The following PRKCE variants were observed in gnomAD, a reference collection of about 807,000 sequenced individuals.
PRKCE encodes protein kinase C epsilon.
Under a neutral mutation model 85.4 loss-of-function variants are expected in PRKCE, and 16 were observed. That is an observed-to-expected ratio of 0.19 (90% CI 0.13 to 0.28). The LOEUF (loss-of-function observed/expected upper bound fraction) is 0.28, where lower values mean the gene tolerates loss of function less well. PRKCE is among the 10% of genes least tolerant of loss of function. The pLI, the probability that PRKCE is intolerant of heterozygous loss-of-function variation, is 1.00. For missense variants in PRKCE, 573 were observed against 975.2 expected, an observed-to-expected ratio of 0.59 and a Z score of 5.49; for synonymous variants, 388 against 371.5, an observed-to-expected ratio of 1.04 and a Z score of -0.51.
In PRKCE at chr2:46,186,960, G is replaced by A. The variant is rs1680490701; in HGVS notation, c.*2079G>A. ...GTTTGGCATACCAGTGAATGATGAA[G>A]AACATGAGATTAATTTAATTTATCT... is the stretch of plus-strand genomic sequence containing the variant. On this transcript the variant is annotated 3_prime_UTR_variant, in exon 15 of 15. Transcript: ENST00000306156. The A allele has an allele frequency of 1.3e-5, 2 of 152,392 alleles. No homozygotes were observed. The highest frequency in any genetic ancestry group is 2.1e-4 in the South Asian group (1 of 4,818). 9.4% of individuals were successfully genotyped at this position (152,392 alleles called of 1,614,324 possible).
chr2:45,952,068 A>G (rs1574001340), intron 2 of PRKCE, among the ~76,000 whole-genome samples: 1 of 152,322 alleles, frequency 6.6e-6, no homozygotes, highest in Non-Finnish European at 1.5e-5. Flanking sequence ...CCTGGCGTCA[A>G]GTGATCTACC....
At position 46,159,839 on chromosome 2, in the gene PRKCE, C is replaced by A; in HGVS notation, c.2067+87C>A. 1.3e-6 allele frequency: 2 copies of A among 1,526,886 alleles called. No homozygotes were observed. The highest frequency in any genetic ancestry group is 1.2e-5 in the South Asian group (1 of 85,124). 94.6% of individuals were successfully genotyped at this position (1,526,886 alleles called of 1,614,324 possible). Reference sequence around the variant, plus strand: ...CTGCGTGCACCCAGGAAGAGTTGGTCAGGGGATGCGTATTACAGTAAAAAT... The same window carrying A: ...CTGCGTGCACCCAGGAAGAGTTGGTAAGGGGATGCGTATTACAGTAAAAAT... On this transcript the variant is annotated intron_variant, in intron 14 of 14. Coordinates refer to ENST00000306156, the MANE Select transcript of PRKCE (RefSeq NM_005400.3). This position sits in a 1 kb window ranked among gnomAD's most constrained non-coding sequence, Gnocchi z 4.1.
At chr2:46,121,484 G>T (rs1405351427) in intron 11 of PRKCE, among the ~76,000 whole-genome samples, 2 of 152,164 alleles carry the variant, frequency 1.3e-5, no homozygotes, top group Non-Finnish European at 2.9e-5. Flanking sequence ...TTGACATACA[G>T]GTACCTGCAA....
intron 10 of PRKCE, among the ~76,000 whole-genome samples, chr2:46,084,214 C>T (rs972375794): frequency 2.0e-5 from 3 of 152,204 alleles, no homozygotes; most frequent in East Asian, 1.9e-4. Flanking sequence ...TTGTGAATAC[C>T]GGTAAAGATG....
intron 1 of PRKCE, among the ~76,000 whole-genome samples, chr2:45,788,669 G>A (rs182008714): frequency 1.3e-5 from 2 of 152,302 alleles, no homozygotes; most frequent in African/African-American, 4.8e-5. Context: ...CTTTTCATGA[G>A]GACCAGAGGG....
chr2:45,828,838 A>C (rs1226076759), intron 1 of PRKCE, among the ~76,000 whole-genome samples: 10 of 152,178 alleles, frequency 6.6e-5, no homozygotes, highest in Non-Finnish European at 1.3e-4. Context: ...AACTATAGAT[A>C]CTTAAAAAGA....
Position 46,086,189 on chromosome 2 carries a change from T to C in PRKCE, c.1438-19T>C. 1.3e-6 allele frequency: 2 copies of C among 1,598,920 alleles called. No homozygotes were observed. The highest frequency in any genetic ancestry group is 1.3e-5 in the African/African-American group (1 of 74,998). ...CTGCAATCAAATGACCCAAATGGCATTTTCTTCTCTCCTTTCAGGACCGCC... is the reference window on the plus strand; with the variant it reads ...CTGCAATCAAATGACCCAAATGGCACTTTCTTCTCTCCTTTCAGGACCGCC... On this transcript the variant is annotated intron_variant, in intron 10 of 14. Transcript: ENST00000306156.
chr2:45,931,979 A>G (rs747571892), intron 2 of PRKCE, among the ~76,000 whole-genome samples: 1 of 152,096 alleles, frequency 6.6e-6, no homozygotes, highest in Non-Finnish European at 1.5e-5. Flanking sequence ...AGCCTCCCCA[A>G]GTGCTGGGAT....
At chr2:45,771,205 G>A (rs1685301257) in intron 1 of PRKCE, among the ~76,000 whole-genome samples, 1 of 152,188 alleles carries the variant, frequency 6.6e-6, no homozygotes, top group Non-Finnish European at 1.5e-5. Flanking sequence ...TGGCAAAGAT[G>A]GTGATGCTAG....
intron 1 of PRKCE, among the ~76,000 whole-genome samples, chr2:45,735,126 G>T (rs938014014): frequency 3.3e-5 from 5 of 152,228 alleles, no homozygotes; most frequent in African/African-American, 1.2e-4. Context: ...GATGTGGGCA[G>T]GTCCCTTGGA....
At chr2:45,800,950 G>A (rs151035366) in intron 1 of PRKCE, among the ~76,000 whole-genome samples, 60 of 152,326 alleles carry the variant, frequency 3.9e-4, no homozygotes, top group African/African-American at 1.3e-3. Flanking sequence ...GGAAACTAAC[G>A]CAGTCATAGA....
intron 11 of PRKCE, among the ~76,000 whole-genome samples, chr2:46,128,466 T>G (rs895605053): frequency 2.0e-5 from 3 of 152,222 alleles, no homozygotes; most frequent in African/African-American, 7.2e-5. Flanking sequence ...TATCCCCATT[T>G]TATGGGTTAG....
rs962217352 is a variant in PRKCE, at chr2:46,058,694, G to T, written c.1438-27514G>T. On this transcript the variant is annotated intron_variant, in intron 10 of 14. Coordinates refer to ENST00000306156, the MANE Select transcript of PRKCE (RefSeq NM_005400.3). Reference sequence around the variant, plus strand: ...GCTGTGGTTTCACTCACATTGAATTGATTGATTGATTGACTGATTGAGACA... The same window carrying T: ...GCTGTGGTTTCACTCACATTGAATTTATTGATTGATTGACTGATTGAGACA... Among the ~76,000 whole-genome samples, 16 of 151,966 alleles carry T rather than the reference G, an allele frequency of 1.1e-4. 1 individual carries two copies. Among genetic ancestry groups the T allele is most frequent in the African/African-American group, 3.4e-4 (14 of 41,264 alleles).
chr2:45,893,127 G>A (rs1400649084), intron 2 of PRKCE, among the ~76,000 whole-genome samples: 1 of 152,192 alleles, frequency 6.6e-6, no homozygotes, highest in African/African-American at 2.4e-5. Flanking sequence ...GAATGAGAAG[G>A]GAAAGTTAGG....
intron 2 of PRKCE, among the ~76,000 whole-genome samples, chr2:45,975,864 G>T (rs1225719452): frequency 6.6e-6 from 1 of 152,142 alleles, no homozygotes; most frequent in Admixed American, 6.5e-5. Context: ...AATGCTCTTG[G>T]TTGGCTTAGT....
At chr2:46,104,296 C>CTTTTTTTTTTT (rs59018550) in intron 11 of PRKCE, among the ~76,000 whole-genome samples, 6 of 118,502 alleles carry the variant, frequency 5.1e-5, no homozygotes, top group Admixed American at 8.7e-5. Context: ...TCACCTTGTA[C>CTTTTTTTTTTT]TTTTTTTTTT....
Position 46,139,622 on chromosome 2 carries a change from G to A in PRKCE, c.1593-5471G>A, listed in dbSNP as rs1002509247. Among the ~76,000 whole-genome samples, 3 of 151,650 alleles carry A rather than the reference G, an allele frequency of 2.0e-5. No homozygotes were observed. The highest frequency in any genetic ancestry group is 7.3e-5 in the African/African-American group (3 of 41,228). The stretch of plus-strand genomic sequence containing the variant: ...GTTGTAGGTGGCTGCTACTACTTTA[G>A]GCATTATGTCCTCATTCATGCAATA... On this transcript the variant is annotated intron_variant, in intron 11 of 14. Transcript: ENST00000306156. This position sits in a 1 kb window ranked among gnomAD's most constrained non-coding sequence, Gnocchi z 5.2.
At chr2:46,025,625 C>G (rs1574268202) in intron 10 of PRKCE, among the ~76,000 whole-genome samples, 1 of 152,204 alleles carries the variant, frequency 6.6e-6, no homozygotes, top group Non-Finnish European at 1.5e-5. Flanking sequence ...CTCTCCCTTG[C>G]TCTCACTCTC....
intron 11 of PRKCE, among the ~76,000 whole-genome samples, chr2:46,113,476 G>T (rs141534332): frequency 1.2e-4 from 19 of 152,288 alleles, no homozygotes; most frequent in Admixed American, 2.6e-4. Context: ...GTCATCAGTT[G>T]TCCTCATATC....
Sources: allele counts gnomAD v4.1 joint callset (sites outside exome capture counted in the v4.1 genomes callset), GRCh38; gene constraint gnomAD v4.1.1; non-coding constraint Gnocchi (gnomAD v3.1); transcripts MANE v1.5; gene names NCBI Gene and HGNC (gene_info 2026-07-23, HGNC 2026-07-21).